ZSWIM6: variants seen among roughly 807,000 people sequenced by gnomAD.
ZSWIM6 encodes the protein zinc finger SWIM-type containing 6.
ZSWIM6 carries 9 observed loss-of-function variants against 113.2 expected under a neutral mutation model. That is an observed-to-expected ratio of 0.08 (90% CI 0.05 to 0.14). The LOEUF (loss-of-function observed/expected upper bound fraction) is 0.14, where lower values mean the gene tolerates loss of function less well. Ranked by LOEUF, ZSWIM6 falls within the 10% of genes least tolerant of loss-of-function variation. The probability of loss-of-function intolerance (pLI) is 1.00; values close to 1 mark genes in which losing one functional copy is unlikely to be tolerated. For synonymous variants in ZSWIM6, 611 were observed against 606.5 expected (o/e 1.01, Z -0.11); for missense variants, 1,162 against 1,552.2 (o/e 0.75, Z 4.22).
chr5:61,343,548 T>A (rs1744591711), intron 1 of ZSWIM6, among the ~76,000 whole-genome samples: 1 of 152,168 alleles, frequency 6.6e-6, no homozygotes, highest in African/African-American at 2.4e-5. Flanking sequence ...CTAGCATTTT[T>A]ATGAGTGTAG....
chr5:61,541,705 A>G (rs1002272217), intron 12 of ZSWIM6, among the ~76,000 whole-genome samples, 179 bp from the exon 13 acceptor site: 1 of 152,250 alleles, frequency 6.6e-6, no homozygotes, highest in Non-Finnish European at 1.5e-5. Flanking sequence ...TGGCAAGGCC[A>G]CCTGGGGTAG....
intron 1 of ZSWIM6, among the ~76,000 whole-genome samples, chr5:61,468,272 T>G (rs2112177947): frequency 6.6e-6 from 1 of 152,330 alleles, no homozygotes; most frequent in South Asian, 2.1e-4. Flanking sequence ...TTTGTTTTTC[T>G]TCAGTTCCTG....
chr5:61,515,241 G>A (rs1748899993), intron 4 of ZSWIM6, among the ~76,000 whole-genome samples: 1 of 152,068 alleles, frequency 6.6e-6, no homozygotes, highest in South Asian at 2.1e-4. Context: ...CAATTCCCCT[G>A]TCTCAGCCTC....
At chr5:61,438,388 A>G (rs1746757505) in intron 1 of ZSWIM6, among the ~76,000 whole-genome samples, 1 of 152,190 alleles carries the variant, frequency 6.6e-6, no homozygotes, top group Admixed American at 6.5e-5. Context: ...ATTCAGGAGT[A>G]AGGAATCTAG....
At chr5:61,356,658 T>G (rs1326822396) in intron 1 of ZSWIM6, among the ~76,000 whole-genome samples, 1 of 143,800 alleles carries the variant, frequency 7.0e-6, no homozygotes, top group African/African-American at 2.5e-5. Flanking sequence ...ACAGGTTTGA[T>G]ATATATATAA....
At chr5:61,434,580 T>G (rs1746662933) in intron 1 of ZSWIM6, among the ~76,000 whole-genome samples, 1 of 152,178 alleles carries the variant, frequency 6.6e-6, no homozygotes, top group Admixed American at 6.6e-5. Flanking sequence ...CTTAGAACAG[T>G]GGTGTTGAGC....
chr5:61,510,389 G>A (rs1269163291), intron 4 of ZSWIM6, among the ~76,000 whole-genome samples: 1 of 151,958 alleles, frequency 6.6e-6, no homozygotes. Context: ...ATGACTATTA[G>A]TGTTCTGCCT....
At chr5:61,363,127 CTG>C (rs1394896787) in intron 1 of ZSWIM6, among the ~76,000 whole-genome samples, 5 of 151,898 alleles carry the variant, frequency 3.3e-5, no homozygotes, top group African/African-American at 7.3e-5. Context: ...ATATTGGAGA[CTG>C]TGCCCTCCTT....
intron 1 of ZSWIM6, among the ~76,000 whole-genome samples, chr5:61,388,844 G>T (rs1316583625): frequency 6.6e-6 from 1 of 152,204 alleles, no homozygotes; most frequent in Non-Finnish European, 1.5e-5. Flanking sequence ...TCCATTGTTT[G>T]AAGTAGGAAC....
chr5:61,540,958 T>C (rs1749718467), intron 12 of ZSWIM6, among the ~76,000 whole-genome samples: 1 of 150,492 alleles, frequency 6.6e-6, no homozygotes, highest in Non-Finnish European at 1.5e-5. Flanking sequence ...TTGTTTTGTT[T>C]TTTCAGATGG....
chr5:61,491,678 T>C (rs763862965), intron 3 of ZSWIM6, among the ~76,000 whole-genome samples: 1 of 152,132 alleles, frequency 6.6e-6, no homozygotes, highest in Non-Finnish European at 1.5e-5. Context: ...TTTTGAATAA[T>C]ATTAAATCAT....
At chr5:61,509,659 A>G (rs890299510) in intron 4 of ZSWIM6, among the ~76,000 whole-genome samples, 1 of 152,138 alleles carries the variant, frequency 6.6e-6, no homozygotes, top group Non-Finnish European at 1.5e-5. Context: ...TAGAGAGAAT[A>G]ATGTCTACAG....
chr5:61,446,260 T>A (rs915204102), intron 1 of ZSWIM6, among the ~76,000 whole-genome samples: 1 of 152,164 alleles, frequency 6.6e-6, no homozygotes, highest in African/African-American at 2.4e-5. Flanking sequence ...CCTGACCTCA[T>A]GATCCACCTA....
At chr5:61,340,466 A>G (rs1295820340) in intron 1 of ZSWIM6, among the ~76,000 whole-genome samples, 2 of 152,192 alleles carry the variant, frequency 1.3e-5, no homozygotes, top group African/African-American at 4.8e-5. Flanking sequence ...GTACAGATCC[A>G]CAGTTCATTT....
chr5:61,361,922 TA>T (rs1745039322), intron 1 of ZSWIM6, among the ~76,000 whole-genome samples: 1 of 152,168 alleles, frequency 6.6e-6, no homozygotes, highest in Admixed American at 6.5e-5. Flanking sequence ...TTTAGAACGC[TA>T]ACAGACAAAC....
intron 9 of ZSWIM6, among the ~76,000 whole-genome samples, chr5:61,533,691 AAG>A (rs1453256313): frequency 6.6e-6 from 1 of 152,264 alleles, no homozygotes; most frequent in East Asian, 1.9e-4. Context: ...GAAACAGTGA[AAG>A]AAAATGAAGG....
chr5:61,521,578 T>C (rs1208198303), intron 5 of ZSWIM6, 136 bp downstream of exon 5: 3 of 586,788 alleles, frequency 5.1e-6, no homozygotes, highest in Non-Finnish European at 7.8e-6. Flanking sequence ...TTAATATGTG[T>C]TGACTGTGAG....
intron 1 of ZSWIM6, among the ~76,000 whole-genome samples, chr5:61,452,657 A>G (rs906246870): frequency 1.3e-5 from 2 of 152,158 alleles, no homozygotes; most frequent in Non-Finnish European, 2.9e-5. Flanking sequence ...TATACTCTTT[A>G]ACCAACCTCC....
chr5:61,360,435 G>A lies in ZSWIM6; in HGVS notation c.676+27487G>A, dbSNP rs115787177. 6.2e-3 allele frequency among the ~76,000 whole-genome samples: 942 copies of A among 152,346 alleles called. 11 individuals are homozygous for A. The highest frequency in any genetic ancestry group is 0.021 in the African/African-American group (881 of 41,576). ...GTAATGTTTTTAAGCTTGCTTTGCAGATGTGGAAATAGGCATGGAGAAGGT... is the reference window on the plus strand; with the variant it reads ...GTAATGTTTTTAAGCTTGCTTTGCAAATGTGGAAATAGGCATGGAGAAGGT... On this transcript the variant is annotated intron_variant, in intron 1 of 13. Transcript: ENST00000252744.
Sources: allele counts gnomAD v4.1 joint callset (sites outside exome capture counted in the v4.1 genomes callset), GRCh38; gene constraint gnomAD v4.1.1; transcripts MANE v1.5; gene names NCBI Gene and HGNC (gene_info 2026-07-23, HGNC 2026-07-21).